Variants in SEMA3E observed in about 807,000 individuals in gnomAD.
The protein encoded by SEMA3E is semaphorin-3E.
A neutral mutation model predicts 93.6 loss-of-function variants in SEMA3E; 49 were observed. That is an observed-to-expected ratio of 0.52 (90% CI 0.42 to 0.66). The LOEUF is 0.66. Among genes scored for constraint, SEMA3E ranks in the 30% least tolerant of loss-of-function variants. The probability of loss-of-function intolerance (pLI) is 0.00; values close to 1 mark genes in which losing one functional copy is unlikely to be tolerated. For synonymous variants in SEMA3E, 363 were observed against 330.7 expected, an observed-to-expected ratio of 1.10 and a Z score of -1.06; for missense variants, 906 against 964.8, an observed-to-expected ratio of 0.94 and a Z score of 0.81.
At chr7:83,584,640 A>G (rs950047679) in intron 1 of SEMA3E, among the ~76,000 whole-genome samples, 1 of 152,078 alleles carries the variant, frequency 6.6e-6, no homozygotes, top group Non-Finnish European at 1.5e-5. Context: ...CGCCTTCCCC[A>G]CTTTTCTCCT....
intron 16 of SEMA3E, among the ~76,000 whole-genome samples, chr7:83,368,929 T>C (rs560774405): frequency 3.4e-4 from 52 of 152,306 alleles, no homozygotes; most frequent in African/African-American, 1.2e-3. Flanking sequence ...AGGGCATTCA[T>C]GTATGTTTCT....
intron 16 of SEMA3E, among the ~76,000 whole-genome samples, chr7:83,369,337 G>C (rs1428487723): frequency 1.3e-5 from 2 of 152,158 alleles, no homozygotes; most frequent in African/African-American, 4.8e-5. Flanking sequence ...GATGAGACCT[G>C]GCATAGATGA....
intron 1 of SEMA3E, among the ~76,000 whole-genome samples, chr7:83,559,549 A>AATCC (rs1414956293): frequency 1.3e-5 from 2 of 151,968 alleles, no homozygotes; most frequent in African/African-American, 4.8e-5. Flanking sequence ...GAATGGCCAA[A>AATCC]ATCCAGAGTA....
At chr7:83,567,573 G>T (rs895430361) in intron 1 of SEMA3E, among the ~76,000 whole-genome samples, 3 of 152,030 alleles carry the variant, frequency 2.0e-5, no homozygotes, top group Non-Finnish European at 4.4e-5. Flanking sequence ...AGATCAAAAT[G>T]GAATAACACC....
intron 1 of SEMA3E, among the ~76,000 whole-genome samples, chr7:83,586,666 G>A (rs928244535): frequency 2.0e-5 from 3 of 151,578 alleles, no homozygotes; most frequent in African/African-American, 7.3e-5. Flanking sequence ...ACAAGCAGAA[G>A]AAGGGATTAT....
At chr7:83,507,336 C>T (rs1790722596) in intron 1 of SEMA3E, among the ~76,000 whole-genome samples, 1 of 152,054 alleles carries the variant, frequency 6.6e-6, no homozygotes, top group African/African-American at 2.4e-5. Flanking sequence ...ACCTCCCTGA[C>T]TGGCAGGTAC....
At chr7:83,402,224 A>C (rs2115625771) in intron 10 of SEMA3E, among the ~76,000 whole-genome samples, 1 of 152,128 alleles carries the variant, frequency 6.6e-6, no homozygotes, top group Non-Finnish European at 1.5e-5. Flanking sequence ...TTTAAATGTT[A>C]GAACATAAAA....
chr7:83,522,027 A>T (rs961795883), intron 1 of SEMA3E, among the ~76,000 whole-genome samples: 2 of 152,158 alleles, frequency 1.3e-5, no homozygotes, highest in African/African-American at 4.8e-5. Context: ...GATTAGCTCT[A>T]TATCTATTAT....
chr7:83,409,583 G>A (rs1788400502), intron 5 of SEMA3E, among the ~76,000 whole-genome samples: 1 of 151,980 alleles, frequency 6.6e-6, no homozygotes, highest in South Asian at 2.1e-4. Flanking sequence ...CAATGTGTAT[G>A]CATACACATA....
At chr7:83,419,233 CT>C (rs1277778410) in intron 4 of SEMA3E, among the ~76,000 whole-genome samples, 1 of 152,110 alleles carries the variant, frequency 6.6e-6, no homozygotes, top group Non-Finnish European at 1.5e-5. Context: ...TGATTTCATT[CT>C]TTTTTATGGC....
At chr7:83,549,157 G>C (rs992898236) in intron 1 of SEMA3E, among the ~76,000 whole-genome samples, 3 of 151,950 alleles carry the variant, frequency 2.0e-5, no homozygotes, top group Non-Finnish European at 4.4e-5. Flanking sequence ...CTCAATTTTT[G>C]AGTTATATGG....
chr7:83,470,513 T>C (rs1789869388), intron 2 of SEMA3E, among the ~76,000 whole-genome samples: 2 of 152,152 alleles, frequency 1.3e-5, no homozygotes, highest in Admixed American at 1.3e-4. Context: ...GTTATATTAC[T>C]CAATTCATAA....
intron 1 of SEMA3E, among the ~76,000 whole-genome samples, chr7:83,561,117 C>T (rs1327927285): frequency 6.6e-6 from 1 of 151,870 alleles, no homozygotes; most frequent in Non-Finnish European, 1.5e-5. Context: ...AAAAAACCAA[C>T]AGGTTTTCAG....
At chr7:83,452,677 T>C (rs1202167515) in intron 4 of SEMA3E, among the ~76,000 whole-genome samples, 2 of 152,208 alleles carry the variant, frequency 1.3e-5, no homozygotes, top group Non-Finnish European at 2.9e-5. Context: ...GGAATCCTCT[T>C]TTCCTTCCCA....
At chr7:83,573,732 G>C (rs1356240660) in intron 1 of SEMA3E, among the ~76,000 whole-genome samples, 1 of 151,844 alleles carries the variant, frequency 6.6e-6, no homozygotes, top group Non-Finnish European at 1.5e-5. Context: ...CATAAATAGA[G>C]AAAGGTCTAC....
intron 1 of SEMA3E, among the ~76,000 whole-genome samples, chr7:83,554,354 T>C (rs1285519448): frequency 1.3e-5 from 2 of 152,134 alleles, no homozygotes; most frequent in East Asian, 3.9e-4. Context: ...TGAGTCCTCA[T>C]AGAAAAGTTG....
chr7:83,453,980 C>A (rs1789420742), intron 4 of SEMA3E, among the ~76,000 whole-genome samples: 1 of 151,058 alleles, frequency 6.6e-6, no homozygotes, highest in Non-Finnish European at 1.5e-5. Context: ...AATTTTGGGC[C>A]GGGCGTGATG....
At chr7:83,608,038 G>A (rs1054403323) in intron 1 of SEMA3E, among the ~76,000 whole-genome samples, 1 of 151,788 alleles carries the variant, frequency 6.6e-6, no homozygotes, top group African/African-American at 2.4e-5. Flanking sequence ...TGGTGAAACC[G>A]CGTCTCTACT....
At chr7:83,595,695 T>C in intron 1 of SEMA3E, among the ~76,000 whole-genome samples, 1 of 152,022 alleles carries the variant, frequency 6.6e-6, no homozygotes, top group East Asian at 1.9e-4. Flanking sequence ...CAGTTTGGGT[T>C]TCTCTGGTGT....
Sources: gnomAD v4.1 joint callset for allele counts (sites outside exome capture counted in the v4.1 genomes callset) on GRCh38, gnomAD v4.1.1 for gene constraint, MANE v1.5 for transcripts, NCBI Gene and HGNC (gene_info 2026-07-23, HGNC 2026-07-21) for gene names.